The following ZFX variants were observed in gnomAD, a reference collection of about 807,000 sequenced individuals.
ZFX encodes zinc finger protein X-linked.
For missense variants in ZFX, 362 were observed against 628.3 expected, an observed-to-expected ratio of 0.58 and a Z score of 4.53; for synonymous variants, 196 against 226.8, an observed-to-expected ratio of 0.86 and a Z score of 1.22.
intron 9 of ZFX, among the ~76,000 whole-genome samples, chrX:24,209,312 A>G (rs1256036409): frequency 8.9e-6 from 1 of 112,508 alleles, no homozygotes; most frequent in African/African-American, 3.2e-5. Flanking sequence ...TCCCTCAAAT[A>G]TGTTATAAGC....
At position 24,207,465 on chromosome X, in the gene ZFX, A is replaced by T. The variant is rs771114034; in HGVS notation, c.786A>T (p.Glu262Asp). 14 of 1,207,776 alleles carry T rather than the reference A, an allele frequency of 1.2e-5. No homozygotes were observed. The South Asian group carries it at 2.5e-4, about 22-fold the overall frequency. ...ACATTTTTAAAGCTGACCCTGGAGA[A>T]GATGACTTAGGTAAGAAGAAGTGTT... ...KVYIFKADPG[E>D]DDLGGTVDIV... The change falls in exon 6 of 10, where the codon GAA becomes GAT. Residue 262 changes from glutamate (E) to aspartate (D), a missense_variant. Coordinates refer to ENST00000304543, the MANE Select transcript of ZFX (RefSeq NM_003410.4).
At chrX:24,209,324 T>G (rs1030417001) in intron 9 of ZFX, among the ~76,000 whole-genome samples, 22 of 112,520 alleles carry the variant, frequency 2.0e-4, no homozygotes, top group Admixed American at 1.1e-3. Context: ...GTTATAAGCA[T>G]TAACTTTTTA....
At chrX:24,156,717 C>T (rs968865818) in intron 3 of ZFX, among the ~76,000 whole-genome samples, 2 of 96,095 alleles carry the variant, frequency 2.1e-5, no homozygotes, top group Non-Finnish European at 3.9e-5. Context: ...TGCAGTGGTG[C>T]GATCTCAGCT....
chrX:24,167,947 A>C (rs944924250), intron 3 of ZFX, among the ~76,000 whole-genome samples: 2 of 111,807 alleles, frequency 1.8e-5, no homozygotes, highest in African/African-American at 3.2e-5. Flanking sequence ...GTGATAATAA[A>C]GAGGAAGTGA....
intron 5 of ZFX, among the ~76,000 whole-genome samples, chrX:24,200,365 C>G (rs1937214022): frequency 9.0e-6 from 1 of 111,483 alleles, no homozygotes; most frequent in Non-Finnish European, 1.9e-5. Flanking sequence ...TGTTTCCAGC[C>G]ACATTTAGCT....
chrX:24,212,876 T>TTTTG lies in ZFX; in HGVS notation c.*1512_*1515dup, dbSNP rs749796768. 4.9e-4 allele frequency: 53 copies of TTTTG among 107,519 alleles called. 1 individual carries two copies. The highest frequency in any genetic ancestry group is 1.4e-3 in the Admixed American group (14 of 9,893). 8.9% of individuals were successfully genotyped at this position (107,519 alleles called of 1,213,427 possible). ...AACATCACTAAGTCTTCCACAGGTT[T>TTTTG]TTTGTTTGTTTGTTTTTTTTTGTTG... On this transcript the variant is annotated 3_prime_UTR_variant, in exon 10 of 10. Transcript: ENST00000304543.
rs1464700872 is a variant in ZFX, at chrX:24,213,985, A to C, written c.*2609A>C. 2.7e-5 allele frequency: 3 copies of C among 111,638 alleles called. No homozygotes were observed. Among genetic ancestry groups the C allele is most frequent in the East Asian group, 5.6e-4 (2 of 3,596 alleles). 9.2% of individuals were successfully genotyped at this position (111,638 alleles called of 1,213,427 possible). Reference sequence around the variant, plus strand: ...TATTTCTCTTACATACTCCGGAATCATACACAGTTCTTTTTAAAGCACAAC... The same window carrying C: ...TATTTCTCTTACATACTCCGGAATCCTACACAGTTCTTTTTAAAGCACAAC... On this transcript the variant is annotated 3_prime_UTR_variant, in exon 10 of 10. Transcript: ENST00000304543.
chrX:24,189,599 A>G (rs1216399092), intron 5 of ZFX, among the ~76,000 whole-genome samples: 1 of 112,309 alleles, frequency 8.9e-6, no homozygotes, highest in Admixed American at 9.4e-5. Flanking sequence ...GATTCTAGGG[A>G]CTGTTAGCAC....
At position 24,172,715 on chromosome X, in the gene ZFX, G is replaced by T; in HGVS notation, c.-28G>T. 1 of 1,153,982 alleles carries T rather than the reference G, an allele frequency of 8.7e-7. No homozygotes were observed. Among genetic ancestry groups the T allele is most frequent in the South Asian group, 2.1e-5 (1 of 46,543 alleles). ...TGGTTTACTTTTTTCCCTGATTTAG[G>T]AGCTGTGACTGATGAGAATTAAAGG... On this transcript the variant is annotated splice_region_variant and 5_prime_UTR_variant, in exon 4 of 10. Transcript: ENST00000304543.
chrX:24,160,443 C>T (rs1377420620), intron 3 of ZFX, among the ~76,000 whole-genome samples: 8 of 109,355 alleles, frequency 7.3e-5, no homozygotes, highest in Non-Finnish European at 1.5e-4. Context: ...GGATTACAGA[C>T]GTGCACCAGC....
intron 5 of ZFX, among the ~76,000 whole-genome samples, chrX:24,195,319 G>C (rs1312466838): frequency 1.9e-5 from 2 of 107,504 alleles, no homozygotes; most frequent in Non-Finnish European, 3.8e-5. Flanking sequence ...TCAGTCTCCT[G>C]AGTACCTGGG....
chrX:24,156,660 CTT>C (rs767019753), intron 3 of ZFX, among the ~76,000 whole-genome samples: 1 of 83,559 alleles, frequency 1.2e-5, no homozygotes, highest in Non-Finnish European at 2.2e-5. Flanking sequence ...TAATAATAGC[CTT>C]TTTTTTTTTG....
In ZFX at chrX:24,179,606, T is replaced by C. The variant is rs754020986; in HGVS notation, c.482T>C (p.Val161Ala). 1.7e-6 allele frequency: 2 copies of C among 1,211,805 alleles called. No homozygotes were observed. The highest frequency in any genetic ancestry group is 2.2e-6 in the Non-Finnish European group (2 of 895,551). The change falls in exon 5 of 10, where the codon GTA (valine) becomes GCA (alanine). Residue 161 changes from valine to alanine, a missense_variant. Val to Ala is a moderately conservative substitution (Grantham distance 64). Transcript: ENST00000304543. ...GTTGAACATGTGGTTCATGATAGTG[T>C]AGTGGAAGCAGAAATTGTCACTGAT... is the stretch of plus-strand genomic sequence containing the variant. The part of the protein sequence containing the change: ...GHVEHVVHDS[V>A]VEAEIVTDPL...
At position 24,188,792 on chromosome X, in the gene ZFX, T is replaced by A. The variant is rs144992791; in HGVS notation, c.646+9022T>A. Among the ~76,000 whole-genome samples the A allele has an allele frequency of 7.1e-3, 790 of 111,919 alleles. 9 individuals are homozygous for A. The highest frequency in any genetic ancestry group is 0.024 in the African/African-American group (745 of 30,821). On this transcript the variant is annotated intron_variant, in intron 5 of 9. Coordinates refer to ENST00000304543, the MANE Select transcript of ZFX (RefSeq NM_003410.4). ...ACAAAAAGTACATTTCGGAAGGTTATTGTGGTAGTCTAGGTAAGAAACAGA... is the reference window on the plus strand; with the variant it reads ...ACAAAAAGTACATTTCGGAAGGTTAATGTGGTAGTCTAGGTAAGAAACAGA...
rs1347911068 is a variant in ZFX at position 24,212,086 on chromosome X, T to TTTGA, written c.*713_*716dup. The TTTGA allele has an allele frequency of 1.8e-5, 2 of 112,683 alleles. No homozygotes were observed. The highest frequency in any genetic ancestry group is 5.5e-4 in the East Asian group (2 of 3,630). The allele number at this position is 112,683 out of a possible 1,213,427, so 9.3% of individuals were successfully genotyped here. A position where few individuals can be genotyped will look rare whatever the true frequency, so the allele number is the denominator to read the frequency against. ...AAAACTGTGCTTGCTCATGTTGTAT[T>TTTGA]TTGATTATTCTGTCTGTGCGGCTTC... On this transcript the variant is annotated 3_prime_UTR_variant, in exon 10 of 10. Coordinates refer to ENST00000304543, the MANE Select transcript of ZFX (RefSeq NM_003410.4).
At position 24,210,218 on chromosome X, in the gene ZFX, T is replaced by C. The variant is rs781462585; in HGVS notation, c.1260T>C (p.His420=). The C allele has an allele frequency of 1.9e-5, 23 of 1,210,143 alleles. No individual in the cohort carries two copies. The highest frequency in any genetic ancestry group is 3.5e-5 in the South Asian group (2 of 56,802). ...CAATAATTATTGGCCCTGATGGACATCCTTTGACTGTCTATCCTTGCATGA... is the reference window on the plus strand; with the variant it reads ...CAATAATTATTGGCCCTGATGGACACCCTTTGACTGTCTATCCTTGCATGA... The part of the protein sequence containing the change: ...QTAIIIGPDG[H]PLTVYPCMIC... Residue 420 remains histidine, a synonymous_variant, in exon 10 of 10, where the codon CAT becomes CAC. Transcript: ENST00000304543.
At chrX:24,209,103 T>C (rs766961062) in intron 9 of ZFX, 63 bp downstream of exon 9, 1 of 1,208,643 alleles carries the variant, frequency 8.3e-7, no homozygotes, top group Admixed American at 2.2e-5. Context: ...AACTCTAGTA[T>C]GTATCCACAG....
intron 5 of ZFX, among the ~76,000 whole-genome samples, chrX:24,186,622 CTT>C (rs1936134922): frequency 9.1e-6 from 1 of 110,116 alleles, no homozygotes; most frequent in South Asian, 3.9e-4. Flanking sequence ...GACCCCATCT[CTT>C]AAAAAAAAAT....
At chrX:24,207,252 T>C in intron 5 of ZFX, 74 bp from the exon 6 acceptor site, 1 of 1,054,803 alleles carries the variant, frequency 9.5e-7, no homozygotes, top group Non-Finnish European at 1.2e-6. Flanking sequence ...AAAATTTTTT[T>C]TTTTTTTTTT....
Sources: allele counts gnomAD v4.1 joint callset (sites outside exome capture counted in the v4.1 genomes callset), GRCh38; gene constraint gnomAD v4.1.1; transcripts MANE v1.5; gene names NCBI Gene and HGNC (gene_info 2026-07-23, HGNC 2026-07-21).